SIAH2: variants seen among roughly 807,000 people sequenced by gnomAD.
The protein encoded by SIAH2 is E3 ubiquitin-protein ligase SIAH2.
Under a neutral mutation model 20.4 loss-of-function variants are expected in SIAH2, and 4 were observed. That is an observed-to-expected ratio of 0.20 (90% CI 0.10 to 0.45). The LOEUF (loss-of-function observed/expected upper bound fraction) is 0.45. SIAH2 is among the 20% of genes least tolerant of loss of function. The pLI is 0.99. For synonymous variants in SIAH2, 171 were observed against 192.5 expected, an observed-to-expected ratio of 0.89 and a Z score of 0.93; for missense variants, 259 against 440.3, an observed-to-expected ratio of 0.59 and a Z score of 3.69.
At chr3:150,751,808 G>A (rs1714373532) in intron 1 of SIAH2, among the ~76,000 whole-genome samples, 1 of 152,096 alleles carries the variant, frequency 6.6e-6, no homozygotes, top group African/African-American at 2.4e-5. Flanking sequence ...ATCCTCCCAT[G>A]TCAGCCTCTC....
At chr3:150,743,204 G>A (rs751599593) in intron 1 of SIAH2, among the ~76,000 whole-genome samples, 10 of 152,242 alleles carry the variant, frequency 6.6e-5, no homozygotes, top group Non-Finnish European at 1.5e-4. Context: ...TGACTGGCAG[G>A]CAGGCCGTGG....
chr3:150,757,609 G>A (rs1576583614), intron 1 of SIAH2, among the ~76,000 whole-genome samples: 1 of 152,168 alleles, frequency 6.6e-6, no homozygotes, highest in African/African-American at 2.4e-5. Flanking sequence ...AGACGTGGTG[G>A]TTCGCTTTGT....
Position 150,762,905 on chromosome 3 carries a change from G to T in SIAH2, c.-56C>A. The T allele has an allele frequency of 8.8e-7, 1 of 1,136,972 alleles. No individual in the cohort carries two copies. The highest frequency in any genetic ancestry group is 1.1e-6 in the Non-Finnish European group (1 of 918,332). 70.4% of individuals were successfully genotyped at this position (1,136,972 alleles called of 1,614,324 possible). A position where few individuals can be genotyped will look rare whatever the true frequency, so the allele number is the denominator to read the frequency against. On this transcript the variant is annotated 5_prime_UTR_variant, in exon 1 of 2. Coordinates refer to ENST00000312960, the MANE Select transcript of SIAH2 (RefSeq NM_005067.7). The surrounding 1 kb of genome is among the most constrained non-coding windows in gnomAD (Gnocchi z 6.6). ...CGCCTGCCTGCCGCGGGGCCGCCCGGGTCAAGGCGGTGCGCGCCCCGCGGG... is the reference window on the plus strand; with the variant it reads ...CGCCTGCCTGCCGCGGGGCCGCCCGTGTCAAGGCGGTGCGCGCCCCGCGGG...
intron 1 of SIAH2, among the ~76,000 whole-genome samples, chr3:150,760,693 T>C (rs1714587393): frequency 6.6e-6 from 1 of 152,252 alleles, no homozygotes; most frequent in Non-Finnish European, 1.5e-5. Flanking sequence ...AAAAGCCATT[T>C]CTTTTGTTAG....
chr3:150,747,093 T>C (rs1714232723), intron 1 of SIAH2, among the ~76,000 whole-genome samples: 2 of 152,364 alleles, frequency 1.3e-5, no homozygotes, highest in Middle Eastern at 3.4e-3. Context: ...ATCAATATTT[T>C]GGGAAAAATA....
intron 1 of SIAH2, among the ~76,000 whole-genome samples, chr3:150,753,805 C>CAA (rs56936536): frequency 1.4e-5 from 2 of 147,190 alleles, no homozygotes; most frequent in Admixed American, 6.8e-5. Flanking sequence ...AAACAAAAAA[C>CAA]AAAAAAAAAA....
At chr3:150,761,559 T>G (rs1199696940) in intron 1 of SIAH2, among the ~76,000 whole-genome samples, 1 of 152,154 alleles carries the variant, frequency 6.6e-6, no homozygotes, top group Non-Finnish European at 1.5e-5. Context: ...ACATCTATGA[T>G]TCTATATTTA....
intron 1 of SIAH2, among the ~76,000 whole-genome samples, chr3:150,756,127 G>A (rs527362697): frequency 2.0e-5 from 3 of 152,316 alleles, no homozygotes; most frequent in Non-Finnish European, 4.4e-5. Context: ...ATTCTGTAGA[G>A]CATTTCAGTA....
chr3:150,751,370 G>A (rs1470249185), intron 1 of SIAH2, among the ~76,000 whole-genome samples: 1 of 152,074 alleles, frequency 6.6e-6, no homozygotes, highest in Non-Finnish European at 1.5e-5. Flanking sequence ...GTTACAGTGA[G>A]CCGAGATTAC....
intron 1 of SIAH2, among the ~76,000 whole-genome samples, chr3:150,761,060 T>G (rs1300778290): frequency 6.6e-6 from 1 of 152,192 alleles, no homozygotes; most frequent in African/African-American, 2.4e-5. Context: ...CAGACCAAAT[T>G]AAAGCACTCA....
intron 1 of SIAH2, among the ~76,000 whole-genome samples, chr3:150,752,037 ACCAC>A (rs1376210143): frequency 6.6e-6 from 1 of 152,236 alleles, no homozygotes; most frequent in East Asian, 1.9e-4. Context: ...TTAGCAGGTA[ACCAC>A]ACATTGTCAT....
intron 1 of SIAH2, among the ~76,000 whole-genome samples, chr3:150,757,512 G>A (rs1380016144): frequency 6.6e-6 from 1 of 152,186 alleles, no homozygotes; most frequent in Non-Finnish European, 1.5e-5. Context: ...TATGGCAAGA[G>A]TTAAATGAGA....
chr3:150,761,064 G>T (rs1038709929), intron 1 of SIAH2, among the ~76,000 whole-genome samples: 2 of 152,152 alleles, frequency 1.3e-5, no homozygotes, highest in Non-Finnish European at 2.9e-5. Context: ...CCAAATTAAA[G>T]CACTCATTTT....
intron 1 of SIAH2, among the ~76,000 whole-genome samples, chr3:150,755,675 G>A (rs1460964413): frequency 6.6e-6 from 1 of 150,584 alleles, no homozygotes; most frequent in African/African-American, 2.4e-5. Flanking sequence ...GCGCCACCAC[G>A]CCTGGCTAAT....
In SIAH2 at chr3:150,762,003, C is replaced by T. The variant is rs1714624644; in HGVS notation, c.417+430G>A. ...ACGGTAGGCGCGGGGTGCAGGACTC[C>T]AATTATCAATTCAGCCGAGCCCAGC... On this transcript the variant is annotated intron_variant, in intron 1 of 1. Transcript: ENST00000312960. This position sits in a 1 kb window ranked among gnomAD's most constrained non-coding sequence, Gnocchi z 6.6. The T allele has an allele frequency of 5.0e-6, 1 of 200,000 alleles. No homozygotes were observed. Among genetic ancestry groups the T allele is most frequent in the Non-Finnish European group, 1.0e-5 (1 of 97,012 alleles). 12.4% of individuals were successfully genotyped at this position (200,000 alleles called of 1,614,324 possible).
intron 1 of SIAH2, among the ~76,000 whole-genome samples, chr3:150,754,665 G>A (rs1576582831): frequency 6.6e-6 from 1 of 152,102 alleles, no homozygotes; most frequent in African/African-American, 2.4e-5. Context: ...TTAGGTGAGG[G>A]AGATTATAGG....
intron 1 of SIAH2, among the ~76,000 whole-genome samples, chr3:150,752,009 A>AC (rs1714380881): frequency 6.6e-6 from 1 of 152,242 alleles, no homozygotes; most frequent in Non-Finnish European, 1.5e-5. Flanking sequence ...TATGTTTCTC[A>AC]TCTGTCCATA....
At chr3:150,752,173 C>T (rs1714386783) in intron 1 of SIAH2, among the ~76,000 whole-genome samples, 1 of 152,214 alleles carries the variant, frequency 6.6e-6, no homozygotes, top group Non-Finnish European at 1.5e-5. Context: ...AGTATGCCCT[C>T]ACTCTTCCAT....
rs1714630630 is a variant in SIAH2 at position 150,762,217 on chromosome 3, C to G, written c.417+216G>C. On this transcript the variant is annotated intron_variant, in intron 1 of 1. Transcript: ENST00000312960. This position sits in a 1 kb window ranked among gnomAD's most constrained non-coding sequence, Gnocchi z 6.6. ...TAACGATCAGCAAATGCCAATTAAT[C>G]TGTTAATTGTCTATTAACAATTATT... 1.0e-6 allele frequency: 1 copy of G among 957,812 alleles called. No homozygotes were observed. The highest frequency in any genetic ancestry group is 1.5e-6 in the Non-Finnish European group (1 of 678,040). 59.3% of individuals were successfully genotyped at this position (957,812 alleles called of 1,614,324 possible). A position where few individuals can be genotyped will look rare whatever the true frequency, so the allele number is the denominator to read the frequency against.
Sources: gnomAD v4.1 joint callset for allele counts (sites outside exome capture counted in the v4.1 genomes callset) on GRCh38, gnomAD v4.1.1 for gene constraint, Gnocchi (gnomAD v3.1) non-coding constraint, MANE v1.5 for transcripts, NCBI Gene and HGNC (gene_info 2026-07-23, HGNC 2026-07-21) for gene names.